The following SH3BGRL variants were observed in gnomAD, a reference collection of about 807,000 sequenced individuals.
SH3BGRL encodes the protein adapter SH3BGRL.
SH3BGRL carries 7 observed loss-of-function variants against 9.8 expected under a neutral mutation model. That is an observed-to-expected ratio of 0.72 (90% CI 0.41 to 1.35). The LOEUF (loss-of-function observed/expected upper bound fraction) is 1.35. Ranked by LOEUF, SH3BGRL falls within the 40% of genes most tolerant of loss-of-function variation. SH3BGRL has a pLI of 0.01. For synonymous variants in SH3BGRL, 36 were observed against 29.1 expected, an observed-to-expected ratio of 1.24 and a Z score of -0.76; for missense variants, 73 against 84.4, an observed-to-expected ratio of 0.86 and a Z score of 0.53.
At chrX:81,276,900 C>A in intron 1 of SH3BGRL, 84 bp from the exon 2 acceptor site, 1 of 791,536 alleles carries the variant, frequency 1.3e-6, no homozygotes, top group South Asian at 2.6e-5. Context: ...AATCTTTGTT[C>A]TGTCTGAATT....
chrX:81,234,101 A>G, intron 1 of SH3BGRL, among the ~76,000 whole-genome samples: 1 of 111,781 alleles, frequency 8.9e-6, no homozygotes. Flanking sequence ...TACATAGTCT[A>G]GAATAGTCTG....
intron 1 of SH3BGRL, among the ~76,000 whole-genome samples, chrX:81,257,188 C>A (rs1226726902): frequency 9.0e-6 from 1 of 111,371 alleles, no homozygotes; most frequent in Non-Finnish European, 1.9e-5. Flanking sequence ...AGGCACATTG[C>A]ATCTGTTATA....
At chrX:81,225,506 C>A (rs1193656091) in intron 1 of SH3BGRL, among the ~76,000 whole-genome samples, 3 of 111,129 alleles carry the variant, frequency 2.7e-5, no homozygotes, top group Non-Finnish European at 3.8e-5. Context: ...TGGGAACATG[C>A]AGTATTTGAC....
intron 1 of SH3BGRL, among the ~76,000 whole-genome samples, chrX:81,254,755 A>G (rs2075720337): frequency 8.9e-6 from 1 of 112,090 alleles, no homozygotes; most frequent in South Asian, 3.7e-4. Context: ...TGTGTGTGAA[A>G]GTAACTTGAT....
intron 3 of SH3BGRL, among the ~76,000 whole-genome samples, chrX:81,283,048 C>A (rs140532105): frequency 3.6e-5 from 4 of 111,575 alleles, no homozygotes; most frequent in African/African-American, 9.8e-5. Flanking sequence ...CACCTCTATG[C>A]GCATAAACTA....
rs182693944 is a variant in SH3BGRL, at chrX:81,255,262, T to C, written c.46-21722T>C. Among the ~76,000 whole-genome samples, 176 of 111,888 alleles carry C rather than the reference T, an allele frequency of 1.6e-3. 1 individual carries two copies. The highest frequency in any genetic ancestry group is 8.0e-3 in the Admixed American group (84 of 10,553). On this transcript the variant is annotated intron_variant, in intron 1 of 3. Coordinates refer to ENST00000373212, the MANE Select transcript of SH3BGRL (RefSeq NM_003022.3). ...GCCATTTACACTCTTTTACCCTGAATAGACTGTAACTGAAGGTTAGTTTTG... is the reference window on the plus strand; with the variant it reads ...GCCATTTACACTCTTTTACCCTGAACAGACTGTAACTGAAGGTTAGTTTTG...
At chrX:81,270,594 G>A (rs1050164025) in intron 1 of SH3BGRL, among the ~76,000 whole-genome samples, 1 of 111,878 alleles carries the variant, frequency 8.9e-6, no homozygotes, top group African/African-American at 3.3e-5. Flanking sequence ...TCCTTACTCT[G>A]GAAGCTTCGT....
intron 1 of SH3BGRL, among the ~76,000 whole-genome samples, chrX:81,231,035 C>T (rs2075631409): frequency 8.9e-6 from 1 of 112,138 alleles, no homozygotes; most frequent in South Asian, 3.7e-4. Context: ...AAAAGTAAGG[C>T]AAATATGTTC....
intron 1 of SH3BGRL, among the ~76,000 whole-genome samples, chrX:81,211,446 G>T (rs780784286): frequency 9.0e-6 from 1 of 111,337 alleles, no homozygotes; most frequent in African/African-American, 3.3e-5. Flanking sequence ...AATTAGCCGG[G>T]CGTGGTGGCG....
rs377151999 is a variant in SH3BGRL at position 81,217,319 on chromosome X, G to C, written c.45+15074G>C. ...TTTTCTTCTGCTGGGTTTGGGTTTG[G>C]ATTTTGTTTCTCTAGTTCCATTAGG... On this transcript the variant is annotated intron_variant, in intron 1 of 3. Coordinates refer to ENST00000373212, the MANE Select transcript of SH3BGRL (RefSeq NM_003022.3). Among the ~76,000 whole-genome samples the C allele has an allele frequency of 4.0e-4, 44 of 109,108 alleles. No homozygotes were observed. In the East Asian group the frequency reaches 0.01, roughly 25 times the overall value. The allele number at this position is 109,108 out of a possible 115,157, so 94.7% of individuals were successfully genotyped here. A position where few individuals can be genotyped will look rare whatever the true frequency, so the allele number is the denominator to read the frequency against.
chrX:81,255,528 G>T (rs2075723240), intron 1 of SH3BGRL: 2 of 111,756 alleles, frequency 1.8e-5, no homozygotes, highest in Admixed American at 9.5e-5. Context: ...AATTATTAAG[G>T]ATATATAAAA....
At chrX:81,250,665 G>A (rs996753607) in intron 1 of SH3BGRL, among the ~76,000 whole-genome samples, 5 of 111,060 alleles carry the variant, frequency 4.5e-5, no homozygotes, top group Non-Finnish European at 3.8e-5. Context: ...TTTTCTCCTC[G>A]GAACAAACTT....
intron 1 of SH3BGRL, among the ~76,000 whole-genome samples, chrX:81,221,407 T>A (rs146724797): frequency 0.011 from 1,286 of 112,055 alleles, 20 homozygotes; most frequent in African/African-American, 0.039. Flanking sequence ...GAATTTTCAA[T>A]GCTGTGGCTG....
chrX:81,266,308 C>G (rs1001462985), intron 1 of SH3BGRL, among the ~76,000 whole-genome samples: 3 of 111,801 alleles, frequency 2.7e-5, no homozygotes, highest in Non-Finnish European at 5.6e-5. Flanking sequence ...CCCAGGTTTT[C>G]TTCTAGGATT....
chrX:81,249,728 G>A (rs1280317450), intron 1 of SH3BGRL, among the ~76,000 whole-genome samples: 2 of 112,064 alleles, frequency 1.8e-5, no homozygotes, highest in Non-Finnish European at 3.8e-5. Flanking sequence ...ATCCGTTTGT[G>A]TTTTTGTGAA....
intron 1 of SH3BGRL, among the ~76,000 whole-genome samples, chrX:81,253,895 A>G (rs1194071289): frequency 8.9e-6 from 1 of 111,785 alleles, no homozygotes; most frequent in African/African-American, 3.3e-5. Context: ...TGTCCAGTAT[A>G]AAGGATTCAG....
intron 1 of SH3BGRL, among the ~76,000 whole-genome samples, chrX:81,272,507 T>C (rs1395256319): frequency 4.8e-5 from 5 of 104,980 alleles, no homozygotes; most frequent in African/African-American, 1.4e-4. Flanking sequence ...CTTTTCTTTT[T>C]TTTTTTTTTT....
At chrX:81,255,215 A>C (rs1252550620) in intron 1 of SH3BGRL, among the ~76,000 whole-genome samples, 1 of 111,952 alleles carries the variant, frequency 8.9e-6, no homozygotes, top group Non-Finnish European at 1.9e-5. Flanking sequence ...GCAAAATTGC[A>C]ATCATCCTAT....
chrX:81,297,292 A>T lies in SH3BGRL; in HGVS notation c.*65A>T. Reference sequence around the variant, plus strand: ...CTCCATTGCTTTTATAAAATAGCAGAATTAGCTTTGCTTCAAAAGAAATAG... The same window carrying T: ...CTCCATTGCTTTTATAAAATAGCAGTATTAGCTTTGCTTCAAAAGAAATAG... On this transcript the variant is annotated 3_prime_UTR_variant, in exon 4 of 4. Coordinates refer to ENST00000373212, the MANE Select transcript of SH3BGRL (RefSeq NM_003022.3). 1 of 928,364 alleles carries T rather than the reference A, an allele frequency of 1.1e-6. No homozygotes were observed. The highest frequency in any genetic ancestry group is 3.2e-5 in the East Asian group (1 of 31,338). 76.5% of individuals were successfully genotyped at this position (928,364 alleles called of 1,213,427 possible).
Sources: gnomAD v4.1 joint callset for allele counts (sites outside exome capture counted in the v4.1 genomes callset) on GRCh38, gnomAD v4.1.1 for gene constraint, MANE v1.5 for transcripts, NCBI Gene and HGNC (gene_info 2026-07-23, HGNC 2026-07-21) for gene names.